Variants in GUCY2C observed in about 807,000 individuals in gnomAD.
GUCY2C encodes the protein guanylate cyclase 2C.
In GUCY2C, 118 loss-of-function variants were observed where a neutral mutation model predicts 131.1. The observed-to-expected ratio is 0.90, with a 90% CI of 0.78 to 1.05. The LOEUF (loss-of-function observed/expected upper bound fraction) is 1.05. Ranked by LOEUF, GUCY2C falls within the 50% of genes least tolerant of loss-of-function variation. The pLI is 0.00. For missense variants in GUCY2C, 1,161 were observed against 1,304.4 expected (o/e 0.89, Z 1.69); for synonymous variants, 452 against 457.8 (o/e 0.99, Z 0.16).
At chr12:14,650,509 G>A (rs1352295739) in intron 15 of GUCY2C, among the ~76,000 whole-genome samples, 3 of 152,188 alleles carry the variant, frequency 2.0e-5, no homozygotes, top group Admixed American at 1.3e-4. Context: ...GCCTCCTAAA[G>A]TGCTGGCATT....
chr12:14,690,908 A>G (rs1948564116), intron 1 of GUCY2C, among the ~76,000 whole-genome samples: 1 of 152,216 alleles, frequency 6.6e-6, no homozygotes, highest in African/African-American at 2.4e-5. Flanking sequence ...GTCCGGCATT[A>G]TGAGTGATTT....
chr12:14,678,352 A>G (rs1054826408), intron 6 of GUCY2C, among the ~76,000 whole-genome samples: 2 of 152,216 alleles, frequency 1.3e-5, no homozygotes, highest in African/African-American at 4.8e-5. Flanking sequence ...TTTCCAAAAC[A>G]TAGCCAGGTG....
At chr12:14,637,154 C>T (rs1592096305) in intron 19 of GUCY2C, among the ~76,000 whole-genome samples, 1 of 120,992 alleles carries the variant, frequency 8.3e-6, no homozygotes, top group Admixed American at 9.6e-5. Context: ...ATAAACTCAG[C>T]AGGAAAGAAA....
Position 14,672,965 on chromosome 12 carries a change from C to G in GUCY2C, c.1085-7G>C. 6.4e-7 allele frequency: 1 copy of G among 1,551,902 alleles called. No individual in the cohort carries two copies. Among genetic ancestry groups the G allele is most frequent in the Non-Finnish European group, 8.9e-7 (1 of 1,123,298 alleles). ...GTCACTGGACCGTCATACCCTAGGGCAAGATCAGAGTATGTTAGAGGCCAT... is the reference window on the plus strand; with the variant it reads ...GTCACTGGACCGTCATACCCTAGGGGAAGATCAGAGTATGTTAGAGGCCAT... On this transcript the variant is annotated splice_region_variant and splice_polypyrimidine_tract_variant and intron_variant, in intron 8 of 26. Coordinates refer to ENST00000261170, the MANE Select transcript of GUCY2C (RefSeq NM_004963.4).
chr12:14,664,060 G>A (rs1269061858), intron 10 of GUCY2C, among the ~76,000 whole-genome samples: 1 of 152,156 alleles, frequency 6.6e-6, no homozygotes, highest in Non-Finnish European at 1.5e-5. Context: ...AATTTGAAGG[G>A]TTTATGCTTT....
Position 14,643,692 on chromosome 12 carries a change from C to G in GUCY2C, c.1812G>C (p.Leu604=). The G allele has an allele frequency of 6.2e-7, 1 of 1,612,414 alleles. No individual in the cohort carries two copies. The highest frequency in any genetic ancestry group is 8.5e-7 in the Non-Finnish European group (1 of 1,178,704). Reference sequence around the variant, plus strand: ...CATGGACTTCTGTCTTACTGGAGTGCAGATATGACATTCCCTGTAATTTTT... The same window carrying G: ...CATGGACTTCTGTCTTACTGGAGTGGAGATATGACATTCCCTGTAATTTTT... ...LYDIAKGMSY[L]HSSKTEVHGR... The change falls in exon 17 of 27, where the codon CTG becomes CTC. Residue 604 remains leucine, a synonymous_variant. Coordinates refer to ENST00000261170, the MANE Select transcript of GUCY2C (RefSeq NM_004963.4).
chr12:14,679,686 G>A lies in GUCY2C; in HGVS notation c.801C>T (p.Asp267=). 6.3e-7 allele frequency: 1 copy of A among 1,586,506 alleles called. No homozygotes were observed. Among genetic ancestry groups the A allele is most frequent in the Non-Finnish European group, 8.7e-7 (1 of 1,154,844 alleles). ...AAAGATCCACTAGAATAATGACAAT[G>A]TCTTCAGCCACTGCTCGGTCACCCT... ...KLKGDRAVAE[D]IVIILVDLFN... Residue 267 remains aspartate (D), a synonymous_variant, in exon 6 of 27, where the codon GAC becomes GAT. Coordinates refer to ENST00000261170, the MANE Select transcript of GUCY2C (RefSeq NM_004963.4).
In GUCY2C at chr12:14,641,178, A is replaced by T. The variant is rs1947395626; in HGVS notation, c.1972T>A (p.Ser658Thr). ...APEHLRQANI[S>T]QKGDVYSYGI... ...TAGCTGTACACATCTCCTTTCTGAG[A>T]GATGTTGGCTTGGCGGAGGTGCTCT... Residue 658 changes from serine to threonine, a missense_variant, in exon 18 of 27, where the codon TCT (serine) becomes ACT (threonine). Physicochemically the swap from Ser to Thr is moderately conservative, Grantham distance 58 (BLOSUM62 1). Coordinates refer to ENST00000261170, the MANE Select transcript of GUCY2C (RefSeq NM_004963.4). The T allele has an allele frequency of 6.2e-7, 1 of 1,613,530 alleles. No individual in the cohort carries two copies. The highest frequency in any genetic ancestry group is 8.5e-7 in the Non-Finnish European group (1 of 1,179,884).
chr12:14,655,030 A>C (rs1947736329), intron 12 of GUCY2C, among the ~76,000 whole-genome samples: 1 of 152,216 alleles, frequency 6.6e-6, no homozygotes, highest in Non-Finnish European at 1.5e-5. Context: ...TGCCCAAATA[A>C]AGCAAATGCC....
intron 17 of GUCY2C, among the ~76,000 whole-genome samples, chr12:14,642,663 C>T (rs149589382): frequency 3.1e-4 from 47 of 152,136 alleles, no homozygotes; most frequent in Admixed American, 1.2e-3. Flanking sequence ...TAGGTATAAG[C>T]GAGTGCTGTT....
At chr12:14,625,007 A>C (rs1266439323) in intron 21 of GUCY2C, among the ~76,000 whole-genome samples, 1 of 152,200 alleles carries the variant, frequency 6.6e-6, no homozygotes, top group African/African-American at 2.4e-5. Flanking sequence ...ATCATCCTTG[A>C]AGTGAATATG....
intron 22 of GUCY2C, 54 bp downstream of exon 22, chr12:14,621,951 G>A (rs1946904889): frequency 1.6e-6 from 2 of 1,259,484 alleles, no homozygotes; most frequent in South Asian, 2.8e-5. Flanking sequence ...TTCAGGCTCT[G>A]ATGACCTTGA....
chr12:14,641,253 G>C, intron 17 of GUCY2C, 34 bp from the exon 18 acceptor site: 1 of 1,608,894 alleles, frequency 6.2e-7, no homozygotes, highest in South Asian at 1.1e-5. Context: ...ACAAAGTTGA[G>C]GGGGGTGAGT....
chr12:14,688,547 A>G (rs1402253576), intron 1 of GUCY2C, among the ~76,000 whole-genome samples: 4 of 152,188 alleles, frequency 2.6e-5, no homozygotes, highest in Middle Eastern at 3.2e-3. Flanking sequence ...TTTGTTGCCA[A>G]CTTGCAGGAG....
chr12:14,636,614 A>G (rs1947275278), intron 19 of GUCY2C, among the ~76,000 whole-genome samples: 1 of 152,212 alleles, frequency 6.6e-6, no homozygotes, highest in Non-Finnish European at 1.5e-5. Flanking sequence ...TCTCCTATTC[A>G]ACATAGTACT....
chr12:14,696,482 C>A lies in GUCY2C; in HGVS notation c.-34G>T. 1 of 1,547,990 alleles carries A rather than the reference C, an allele frequency of 6.5e-7. No homozygotes were observed. The highest frequency in any genetic ancestry group is 8.9e-7 in the Non-Finnish European group (1 of 1,122,606). On this transcript the variant is annotated 5_prime_UTR_variant, in exon 1 of 27. Coordinates refer to ENST00000261170, the MANE Select transcript of GUCY2C (RefSeq NM_004963.4). The stretch of plus-strand genomic sequence containing the variant: ...TCACGTTAGAACCATACTCCTTGTG[C>A]CCACTTGCTTTGCTCTGTTGGGCTC...
chr12:14,618,198 T>A (rs1946810084), intron 24 of GUCY2C, among the ~76,000 whole-genome samples: 1 of 152,234 alleles, frequency 6.6e-6, no homozygotes, highest in African/African-American at 2.4e-5. Context: ...AATGCTTAGA[T>A]TTTTCTTTAC....
At chr12:14,684,415 G>A (rs548676221) in intron 3 of GUCY2C, among the ~76,000 whole-genome samples, 9 of 151,790 alleles carry the variant, frequency 5.9e-5, no homozygotes, top group African/African-American at 7.3e-5. Context: ...GCAAACAATC[G>A]CATCTCCTTC....
At chr12:14,645,495 G>A (rs1947502432) in intron 15 of GUCY2C, among the ~76,000 whole-genome samples, 180 bp from the exon 16 acceptor site, 1 of 152,084 alleles carries the variant, frequency 6.6e-6, no homozygotes, top group Admixed American at 6.6e-5. Flanking sequence ...AAGAAGCATT[G>A]GGTGGTTTTT....
Sources: gnomAD v4.1 joint callset for allele counts (sites outside exome capture counted in the v4.1 genomes callset) on GRCh38, gnomAD v4.1.1 for gene constraint, MANE v1.5 for transcripts, NCBI Gene and HGNC (gene_info 2026-07-23, HGNC 2026-07-21) for gene names.